The following SLC5A8 variants were observed in gnomAD, a reference collection of about 807,000 sequenced individuals.
SLC5A8 encodes sodium-coupled monocarboxylate transporter 1.
In SLC5A8, 55 loss-of-function variants were observed where a neutral mutation model predicts 71.9. That is an observed-to-expected ratio of 0.77 (90% CI 0.62 to 0.96). SLC5A8 has a LOEUF of 0.96. Ranked by LOEUF, SLC5A8 falls within the 40% of genes least tolerant of loss-of-function variation. The pLI, the probability that SLC5A8 is intolerant of heterozygous loss-of-function variation, is 0.00. For missense variants in SLC5A8, 701 were observed against 745.3 expected (o/e 0.94, Z 0.69); for synonymous variants, 307 against 276.1 (o/e 1.11, Z -1.11).
At chr12:101,193,548 A>G in intron 5 of SLC5A8, 77 bp downstream of exon 5, 4 of 1,479,790 alleles carry the variant, frequency 2.7e-6, no homozygotes, top group Non-Finnish European at 3.6e-6. Context: ...TTTAATGTAA[A>G]TCTACTATTT....
Position 101,157,339 on chromosome 12 carries a change from A to G in SLC5A8, c.1773T>C (p.Ala591=). Residue 591 remains alanine (A), a synonymous_variant, in exon 15 of 15, where the codon GCT becomes GCC. Transcript: ENST00000536262. The part of the protein sequence containing the change: ...PVEDGGTDNP[A]FNHIELNSDQ... Reference sequence around the variant, plus strand: ...CTGAGTTCAATTCAATGTGGTTGAAAGCAGGATTATCAGTTCCACCATCTT... The same window carrying G: ...CTGAGTTCAATTCAATGTGGTTGAAGGCAGGATTATCAGTTCCACCATCTT... 1.2e-6 allele frequency: 2 copies of G among 1,613,498 alleles called. No homozygotes were observed. The highest frequency in any genetic ancestry group is 1.7e-6 in the Non-Finnish European group (2 of 1,179,712).
At chr12:101,160,619 A>G (rs145355212) in intron 13 of SLC5A8, among the ~76,000 whole-genome samples, 1 of 152,042 alleles carries the variant, frequency 6.6e-6, no homozygotes, top group East Asian at 1.9e-4. Flanking sequence ...TGTTTCACCA[A>G]CTCCGCACTA....
chr12:101,160,926 GAAAAGAAAACAA>G, intron 13 of SLC5A8, among the ~76,000 whole-genome samples: 1 of 152,102 alleles, frequency 6.6e-6, no homozygotes, highest in Admixed American at 6.5e-5. Context: ...TAAAAAGGAA[GAAAAGAAAACAA>G]AAAAGAAAAT....
rs1342407999 is a variant in SLC5A8 at position 101,172,405 on chromosome 12, G to A, written c.1234-4223C>T. Among the ~76,000 whole-genome samples the A allele has an allele frequency of 2.6e-5, 4 of 152,158 alleles. No homozygotes were observed. In the South Asian group the frequency reaches 6.2e-4, roughly 24 times the overall value. On this transcript the variant is annotated intron_variant, in intron 10 of 14. Coordinates refer to ENST00000536262, the MANE Select transcript of SLC5A8 (RefSeq NM_145913.5). Reference sequence around the variant, plus strand: ...AGGTCAGTGGGTGGGATGACTGGACGACATTGGTATTAAGGAGAGTTTGCA... The same window carrying A: ...AGGTCAGTGGGTGGGATGACTGGACAACATTGGTATTAAGGAGAGTTTGCA...
At chr12:101,187,301 A>G (rs1868686667) in intron 7 of SLC5A8, 85 bp downstream of exon 7, 1 of 1,414,758 alleles carries the variant, frequency 7.1e-7, no homozygotes, top group South Asian at 1.8e-5. Context: ...CCGTTTCTCT[A>G]CAAGAATATG....
intron 14 of SLC5A8, among the ~76,000 whole-genome samples, chr12:101,157,732 G>T (rs767826917): frequency 5.3e-5 from 8 of 151,902 alleles, no homozygotes; most frequent in African/African-American, 1.5e-4. Flanking sequence ...ACAGATACAG[G>T]TTATCAGAGG....
At chr12:101,204,834 C>T (rs1869609439) in intron 1 of SLC5A8, among the ~76,000 whole-genome samples, 5 of 152,182 alleles carry the variant, frequency 3.3e-5, no homozygotes, top group Admixed American at 2.0e-4. Flanking sequence ...AAAACTCCCT[C>T]GGGCTTCCCC....
chr12:101,185,930 A>G (rs1339514794), intron 7 of SLC5A8, among the ~76,000 whole-genome samples: 1 of 152,156 alleles, frequency 6.6e-6, no homozygotes, highest in African/African-American at 2.4e-5. Flanking sequence ...TGGTATCCCC[A>G]GTGAAGTGTT....
chr12:101,169,149 T>G (rs1566308675), intron 10 of SLC5A8, among the ~76,000 whole-genome samples: 2 of 152,134 alleles, frequency 1.3e-5, no homozygotes, highest in Non-Finnish European at 2.9e-5. Context: ...GAGATAGACT[T>G]CACTGCAAGA....
At chr12:101,190,924 A>G (rs547359218) in intron 5 of SLC5A8, among the ~76,000 whole-genome samples, 2 of 152,322 alleles carry the variant, frequency 1.3e-5, no homozygotes, top group South Asian at 4.2e-4. Context: ...CTGACATGAT[A>G]TAATCAGAGA....
chr12:101,183,649 A>T (rs1226413240), intron 8 of SLC5A8, among the ~76,000 whole-genome samples: 1 of 152,218 alleles, frequency 6.6e-6, no homozygotes, highest in East Asian at 1.9e-4. Context: ...CACACACTGT[A>T]CATGTTGATA....
chr12:101,184,508 C>A (rs1490025727), intron 7 of SLC5A8, among the ~76,000 whole-genome samples: 1 of 152,128 alleles, frequency 6.6e-6, no homozygotes, highest in Non-Finnish European at 1.5e-5. Flanking sequence ...TAATACTAAC[C>A]TCATAGAGTT....
chr12:101,156,721 C>T lies in SLC5A8; in HGVS notation c.*558G>A, dbSNP rs1462635169. 4 of 152,262 alleles carry T rather than the reference C, an allele frequency of 2.6e-5. No individual in the cohort carries two copies. The highest frequency in any genetic ancestry group is 9.7e-5 in the African/African-American group (4 of 41,416). The allele number at this position is 152,262 out of a possible 1,614,324, so 9.4% of individuals were successfully genotyped here. ...TCCCAGCCAGAATACTTATTGATTA[C>T]CACCTTCCTGATTCAGAATCAGTTT... On this transcript the variant is annotated 3_prime_UTR_variant, in exon 15 of 15. Transcript: ENST00000536262.
At chr12:101,184,038 T>C in intron 8 of SLC5A8, 96 bp downstream of exon 8, 4 of 1,248,852 alleles carry the variant, frequency 3.2e-6, no homozygotes, top group Admixed American at 2.0e-5. Context: ...CATCTGTGTC[T>C]GTGCCCAGAA....
Position 101,209,553 on chromosome 12 carries a change from C to A in SLC5A8, c.296G>T (p.Ser99Ile). 2 of 1,613,990 alleles carry A rather than the reference C, an allele frequency of 1.2e-6. No homozygotes were observed. Among genetic ancestry groups the A allele is most frequent in the Non-Finnish European group, 1.7e-6 (2 of 1,179,976 alleles). ...GAACACCGGGAGGAAGACCTCCGCG[C>A]TGATGACCACCACAAAGAAGTAGGT... ...AFTYFFVVVI[S>I]AEVFLPVFYK... is the part of the protein sequence containing the mutation. Residue 99 changes from serine to isoleucine, a missense_variant, in exon 1 of 15, where the codon AGC becomes ATC. By Grantham distance (142) the Ser-to-Ile change is moderately radical. Transcript: ENST00000536262.
At chr12:101,184,740 GT>G (rs1868549116) in intron 7 of SLC5A8, among the ~76,000 whole-genome samples, 2 of 152,192 alleles carry the variant, frequency 1.3e-5, no homozygotes, top group South Asian at 4.1e-4. Context: ...GACAGAAGAT[GT>G]AATTTTAGGT....
intron 3 of SLC5A8, among the ~76,000 whole-genome samples, chr12:101,199,766 C>A (rs1869357281): frequency 6.6e-6 from 1 of 151,688 alleles, no homozygotes; most frequent in Admixed American, 6.6e-5. Context: ...AATTTGCACA[C>A]ATTTCTATCC....
rs185325047 is a variant in SLC5A8, at chr12:101,182,883, G to A, written c.1085C>T (p.Ala362Val). 2.7e-5 allele frequency: 43 copies of A among 1,592,364 alleles called. No individual in the cohort carries two copies. The East Asian group carries it at 9.3e-4, about 34-fold the overall frequency. The change falls in exon 9 of 15, where the codon GCA becomes GTA. Residue 362 changes from alanine to valine, a missense_variant. Ala to Val is a moderately conservative substitution (Grantham distance 64). Transcript: ENST00000536262. ...TVSSSINALA[A>V]VTVEDLIKPY... ...TTTGATTAGATCTTCCACAGTTACT[G>A]CTGCTAAGGCATTAATACTGGAGGA...
rs568876821 is a variant in SLC5A8 at position 101,175,966 on chromosome 12, T to G, written c.1233+4063A>C. On this transcript the variant is annotated intron_variant, in intron 10 of 14. Coordinates refer to ENST00000536262, the MANE Select transcript of SLC5A8 (RefSeq NM_145913.5). ...AAAACAGAAATACCAAACAGACAACTAAAAACTGATTCTTAAGCCCTAACA... is the reference window on the plus strand; with the variant it reads ...AAAACAGAAATACCAAACAGACAACGAAAAACTGATTCTTAAGCCCTAACA... Among the ~76,000 whole-genome samples the G allele has an allele frequency of 3.0e-4, 45 of 151,934 alleles. No homozygotes were observed. In the South Asian group the frequency reaches 9.3e-3, roughly 32 times the overall value.
Sources: allele counts gnomAD v4.1 joint callset (sites outside exome capture counted in the v4.1 genomes callset), GRCh38; gene constraint gnomAD v4.1.1; transcripts MANE v1.5; gene names NCBI Gene and HGNC (gene_info 2026-07-23, HGNC 2026-07-21).